GAB4: variants seen among roughly 807,000 people sequenced by gnomAD.
The protein encoded by GAB4 is GRB2 associated binding protein family member 4.
GAB4 carries 26 observed loss-of-function variants against 51.3 expected under a neutral mutation model. That is an observed-to-expected ratio of 0.51 (90% CI 0.37 to 0.70). The LOEUF is 0.70. Among genes scored for constraint, GAB4 ranks in the 30% least tolerant of loss-of-function variants. The probability of loss-of-function intolerance (pLI) is 0.00; values close to 1 mark genes in which losing one functional copy is unlikely to be tolerated. For synonymous variants in GAB4, 329 were observed against 291.2 expected (o/e 1.13, Z -1.32); for missense variants, 759 against 734.6 (o/e 1.03, Z -0.38).
chr22:16,967,867 G>T (rs1454822695), intron 5 of GAB4, among the ~76,000 whole-genome samples: 1 of 152,162 alleles, frequency 6.6e-6, no homozygotes, highest in Non-Finnish European at 1.5e-5. Context: ...GGCTCACACA[G>T]AAGCACCCCT....
At chr22:16,971,046 A>C (rs1208155110) in intron 3 of GAB4, among the ~76,000 whole-genome samples, 1 of 151,468 alleles carries the variant, frequency 6.6e-6, no homozygotes, top group Non-Finnish European at 1.5e-5. Flanking sequence ...AAAAAAAAAA[A>C]AATTAGCCGG....
chr22:16,972,849 TAA>T (rs1335165775), intron 3 of GAB4, among the ~76,000 whole-genome samples: 1 of 152,132 alleles, frequency 6.6e-6, no homozygotes, highest in African/African-American at 2.4e-5. Context: ...CCTCCCAGCT[TAA>T]ACATCTCCAC....
intron 1 of GAB4, among the ~76,000 whole-genome samples, chr22:16,997,820 G>T (rs2060962119): frequency 6.6e-6 from 1 of 151,214 alleles, no homozygotes; most frequent in Non-Finnish European, 1.5e-5. Context: ...ATTAATTTTT[G>T]TATAAGGTAC....
rs1453212296 is a variant in GAB4, at chr22:16,987,993, T to C, written c.653A>G (p.His218Arg). Reference sequence around the variant, plus strand: ...TTCTGCTCTCTGGCTGGCGTGCTGGTGCGAGCGGAGACACCCCGGAGGTGC... The same window carrying C: ...TTCTGCTCTCTGGCTGGCGTGCTGGCGCGAGCGGAGACACCCCGGAGGTGC... The part of the protein sequence containing the change: ...IPAPPGCLRS[H>R]QHASQRAEHA... The change falls in exon 3 of 10, where the codon CAC becomes CGC. Residue 218 changes from histidine (H) to arginine (R), a missense_variant. Physicochemically the swap from His to Arg is conservative, Grantham distance 29. Transcript: ENST00000400588. 1 of 1,608,752 alleles carries C rather than the reference T, an allele frequency of 6.2e-7. No individual in the cohort carries two copies. The highest frequency in any genetic ancestry group is 1.3e-5 in the African/African-American group (1 of 74,902).
chr22:16,993,108 AT>A (rs2060926338), intron 1 of GAB4, among the ~76,000 whole-genome samples: 1 of 152,104 alleles, frequency 6.6e-6, no homozygotes, highest in East Asian at 1.9e-4. Flanking sequence ...GCATTATTAC[AT>A]TTTGTCTTAG....
rs1465494403 is a variant in GAB4, at chr22:16,980,198, G to GAAAC, written c.686+7758_686+7761dup. On this transcript the variant is annotated intron_variant, in intron 3 of 9. Coordinates refer to ENST00000400588, the MANE Select transcript of GAB4 (RefSeq NM_001037814.1). ...GCTAAACAGCTTCTGCACAGCAAAA[G>GAAAC]AAACTATCATCAGAGTGAACAGGCA... Among the ~76,000 whole-genome samples, 6 of 152,290 alleles carry GAAAC rather than the reference G, an allele frequency of 3.9e-5. No homozygotes were observed. In the East Asian group the frequency reaches 1.2e-3, roughly 29 times the overall value.
intron 4 of GAB4, 160 bp downstream of exon 4, chr22:16,969,783 G>A: frequency 1.1e-6 from 1 of 890,304 alleles, no homozygotes; most frequent in Admixed American, 2.0e-5. Context: ...TATGGGCCCA[G>A]GAGTGGCCAC....
intron 3 of GAB4, among the ~76,000 whole-genome samples, chr22:16,983,174 C>T (rs1378632321): frequency 8.6e-6 from 1 of 116,402 alleles, no homozygotes; most frequent in African/African-American, 3.3e-5. Flanking sequence ...GCATCACTAC[C>T]TTTCAACCCC....
In GAB4 at chr22:16,966,161, G is replaced by A; in HGVS notation, c.1227C>T (p.Leu409=). Residue 409 remains leucine, a synonymous_variant, in exon 6 of 10, where the codon CTC becomes CTT. Transcript: ENST00000400588. The part of the protein sequence containing the change: ...PLTELSMHQD[L]SQGHEVQLPP... ...GCAGCTGGACCTCATGTCCCTGGCT[G>A]AGGTCTTGGTGCATAGAAAGCTCTG... 6.2e-7 allele frequency: 1 copy of A among 1,614,114 alleles called. No homozygotes were observed. Among genetic ancestry groups the A allele is most frequent in the Non-Finnish European group, 8.5e-7 (1 of 1,180,006 alleles).
At chr22:16,967,103 A>G (rs2060682454) in intron 5 of GAB4, 1 of 152,232 alleles carries the variant, frequency 6.6e-6, no homozygotes, top group Non-Finnish European at 1.5e-5. Context: ...TTGGGGTCCA[A>G]CTACAATTTG....
chr22:17,007,385 C>G (rs1276617616), intron 1 of GAB4, among the ~76,000 whole-genome samples: 2 of 152,136 alleles, frequency 1.3e-5, no homozygotes, highest in Non-Finnish European at 2.9e-5. Context: ...CATGGAAGGA[C>G]GCGAACGACC....
intron 1 of GAB4, among the ~76,000 whole-genome samples, chr22:17,004,936 G>A (rs528685211): frequency 4.2e-4 from 64 of 152,194 alleles, no homozygotes; most frequent in Admixed American, 1.4e-3. Flanking sequence ...TTTGAAAACC[G>A]GCACAAGACA....
At position 16,987,949 on chromosome 22, in the gene GAB4, T is replaced by C. The variant is rs1429965364; in HGVS notation, c.686+11A>G. ...GGGTCACTGCCCCCACTGGCCATAG[T>C]AGCCCCCTACCTTGCATGTTCTGCT... is the stretch of plus-strand genomic sequence containing the variant. On this transcript the variant is annotated intron_variant, in intron 3 of 9. Transcript: ENST00000400588. 1.9e-6 allele frequency: 3 copies of C among 1,585,270 alleles called. No individual in the cohort carries two copies. Among genetic ancestry groups the C allele is most frequent in the African/African-American group, 1.3e-5 (1 of 74,806 alleles).
Position 16,964,831 on chromosome 22 carries a change from G to T in GAB4, c.1411C>A (p.Pro471Thr). Reference protein sequence around the residue: ...HTFDSSSSQHPISTQSITNTD... With the variant: ...HTFDSSSSQHTISTQSITNTD... ...TTGGTGATGCTCTGCGTGGAGATGG[G>T]GTGTTGGGAGGAGCTGGAGTCAAAG... The change falls in exon 8 of 10, where the codon CCC (proline) becomes ACC (threonine). Residue 471 changes from proline to threonine, a missense_variant. By Grantham distance (38) the Pro-to-Thr change is conservative. This residue lies in a region of GAB4 where 588 missense variants were observed against 510.2 expected (regional missense o/e 1.15). Coordinates refer to ENST00000400588, the MANE Select transcript of GAB4 (RefSeq NM_001037814.1). 6.2e-7 allele frequency: 1 copy of T among 1,614,006 alleles called. No individual in the cohort carries two copies. The highest frequency in any genetic ancestry group is 8.5e-7 in the Non-Finnish European group (1 of 1,179,940).
intron 5 of GAB4, chr22:16,966,572 G>T (rs2060677552): frequency 5.2e-6 from 3 of 573,114 alleles, no homozygotes; most frequent in Non-Finnish European, 9.3e-6. Flanking sequence ...GGGCCCCTCT[G>T]GGCAGCCTCA....
intron 3 of GAB4, among the ~76,000 whole-genome samples, chr22:16,977,299 T>C (rs1290921790): frequency 6.7e-6 from 1 of 149,108 alleles, no homozygotes. Flanking sequence ...AAGACACAGA[T>C]AGGCTCAAAA....
At chr22:16,978,725 CAAAG>C (rs2060801936) in intron 3 of GAB4, among the ~76,000 whole-genome samples, 2 of 152,006 alleles carry the variant, frequency 1.3e-5, no homozygotes, top group Admixed American at 6.6e-5. Context: ...CAAAGACACA[CAAAG>C]AAAGAAAATT....
rs1467040828 is a variant in GAB4 at position 16,966,095 on chromosome 22, C to T, written c.1288+5G>A. 1.2e-6 allele frequency: 2 copies of T among 1,613,616 alleles called. No homozygotes were observed. The highest frequency in any genetic ancestry group is 1.7e-6 in the Non-Finnish European group (2 of 1,179,864). The stretch of plus-strand genomic sequence containing the variant: ...TGTCAAGAAATAGAATGGGGAAAGA[C>T]TTACCCTTCTGGTTAGGCTTGAGGC... On this transcript the variant is annotated splice_donor_5th_base_variant and intron_variant, in intron 6 of 9. Coordinates refer to ENST00000400588, the MANE Select transcript of GAB4 (RefSeq NM_001037814.1).
At chr22:16,966,521 C>G in intron 5 of GAB4, 157 bp from the exon 6 acceptor site, 1 of 743,888 alleles carries the variant, frequency 1.3e-6, no homozygotes, top group Non-Finnish European at 2.1e-6. Flanking sequence ...CAGCCACCTG[C>G]GGCCCAGATA....
Sources: gnomAD v4.1 joint callset for allele counts (sites outside exome capture counted in the v4.1 genomes callset) on GRCh38, gnomAD v4.1.1 for gene constraint, gnomAD v4.1.1 regional missense constraint, MANE v1.5 for transcripts, NCBI Gene and HGNC (gene_info 2026-07-23, HGNC 2026-07-21) for gene names.